STK32B: variants seen among roughly 807,000 people sequenced by gnomAD.
STK32B encodes serine/threonine kinase 32B.
STK32B carries 43 observed loss-of-function variants against 52.6 expected under a neutral mutation model. That is an observed-to-expected ratio of 0.82 (90% CI 0.64 to 1.05). The LOEUF is 1.05. STK32B is among the 50% of genes least tolerant of loss of function. The pLI is 0.00. For missense variants in STK32B, 621 were observed against 534.6 expected (o/e 1.16, Z -1.59); for synonymous variants, 238 against 204.3 (o/e 1.17, Z -1.41).
At chr4:5,240,648 T>C (rs1011826855) in intron 3 of STK32B, among the ~76,000 whole-genome samples, 4 of 152,050 alleles carry the variant, frequency 2.6e-5, no homozygotes, top group Non-Finnish European at 5.9e-5. Context: ...TTAGGAGAGA[T>C]GTGGTTTCAC....
chr4:5,137,331 G>GA (rs1327087093), intron 1 of STK32B, among the ~76,000 whole-genome samples: 3 of 152,226 alleles, frequency 2.0e-5, no homozygotes, highest in African/African-American at 7.2e-5. Context: ...GAGCAGAAGA[G>GA]AGGCCACTCC....
At chr4:5,215,643 G>A (rs1205808162) in intron 3 of STK32B, among the ~76,000 whole-genome samples, 3 of 152,094 alleles carry the variant, frequency 2.0e-5, no homozygotes, top group African/African-American at 4.8e-5. Flanking sequence ...GGGACGAGAT[G>A]GGGGAGTGTT....
rs1180626415 is a variant in STK32B at position 5,396,192 on chromosome 4, G to A, written c.435-2015G>A. Reference sequence around the variant, plus strand: ...CCAAAATCAAAGAGGAGTCATGGCTGTGCTTCCTCTGGAGGTTCAGGAGAG... The same window carrying A: ...CCAAAATCAAAGAGGAGTCATGGCTATGCTTCCTCTGGAGGTTCAGGAGAG... On this transcript the variant is annotated intron_variant, in intron 4 of 11. Transcript: ENST00000282908. The surrounding 1 kb of genome is among the most constrained non-coding windows in gnomAD (Gnocchi z 4.7). Among the ~76,000 whole-genome samples the A allele has an allele frequency of 6.6e-6, 1 of 152,192 alleles. No homozygotes were observed. Among genetic ancestry groups the A allele is most frequent in the African/African-American group, 2.4e-5 (1 of 41,436 alleles).
chr4:5,334,225 T>C (rs1224033344), intron 4 of STK32B, among the ~76,000 whole-genome samples: 2 of 152,064 alleles, frequency 1.3e-5, no homozygotes, highest in Admixed American at 1.3e-4. Flanking sequence ...AGGTATTTTA[T>C]TGTCTTTGAA....
At chr4:5,389,679 A>G (rs1191129759) in intron 4 of STK32B, among the ~76,000 whole-genome samples, 3 of 152,220 alleles carry the variant, frequency 2.0e-5, no homozygotes, top group African/African-American at 7.2e-5. Flanking sequence ...GAGGAACACG[A>G]TTCAATCCAT....
intron 4 of STK32B, among the ~76,000 whole-genome samples, chr4:5,387,666 C>G: frequency 6.6e-6 from 1 of 152,182 alleles, no homozygotes; most frequent in Non-Finnish European, 1.5e-5. Flanking sequence ...CATCTCTGCC[C>G]CACCCAGAGG....
intron 4 of STK32B, 149 bp downstream of exon 4, chr4:5,331,542 C>A: frequency 1.2e-6 from 1 of 825,128 alleles, no homozygotes; most frequent in Non-Finnish European, 1.8e-6. Context: ...ACTTTTCTTC[C>A]TATTTTTTTA....
At chr4:5,093,396 A>G (rs1301859487) in intron 1 of STK32B, among the ~76,000 whole-genome samples, 1 of 152,146 alleles carries the variant, frequency 6.6e-6, no homozygotes, top group African/African-American at 2.4e-5. Flanking sequence ...TTTCATAGCC[A>G]CCTCCTGTTG....
intron 3 of STK32B, among the ~76,000 whole-genome samples, chr4:5,281,186 C>T (rs1317536394): frequency 6.6e-6 from 1 of 152,120 alleles, no homozygotes; most frequent in Non-Finnish European, 1.5e-5. Flanking sequence ...AGGGGGAAAT[C>T]TGTCCCCATG....
the STK32B span, among the ~76,000 whole-genome samples, chr4:5,045,384 C>G: frequency 6.6e-6 from 1 of 152,220 alleles, no homozygotes. Flanking sequence ...CAGCCAACTT[C>G]CTCACTGCCT....
chr4:5,367,183 G>A (rs530632973), intron 4 of STK32B, among the ~76,000 whole-genome samples: 10 of 152,116 alleles, frequency 6.6e-5, no homozygotes, highest in Non-Finnish European at 8.8e-5. Flanking sequence ...CGGGCCTTTC[G>A]TAAGACATTG....
chr4:5,049,383 C>T (rs559669945), upstream of STK32B, among the ~76,000 whole-genome samples: 3 of 152,260 alleles, frequency 2.0e-5, no homozygotes, highest in Admixed American at 2.0e-4. Context: ...AAGAGACCAC[C>T]AAACAGGCTT....
At chr4:5,182,015 A>G (rs544031819) in intron 3 of STK32B, among the ~76,000 whole-genome samples, 1 of 152,378 alleles carries the variant, frequency 6.6e-6, no homozygotes, top group African/African-American at 2.4e-5. Flanking sequence ...AACTGAGTTT[A>G]TGTGATATTC....
chr4:5,060,679 A>T (rs1047524340), intron 1 of STK32B, among the ~76,000 whole-genome samples: 3 of 151,916 alleles, frequency 2.0e-5, no homozygotes, highest in Admixed American at 2.0e-4. Flanking sequence ...TCTCTTCATC[A>T]TTTCTTTTAT....
intron 3 of STK32B, among the ~76,000 whole-genome samples, chr4:5,261,586 G>A (rs1245651129): frequency 6.6e-6 from 1 of 152,170 alleles, no homozygotes; most frequent in Admixed American, 6.5e-5. Context: ...TTGAAGATCA[G>A]AGAGGTTTAA....
In STK32B at chr4:5,201,715, C is replaced by T. The variant is rs77914122; in HGVS notation, c.260+33265C>T. On this transcript the variant is annotated intron_variant, in intron 3 of 11. Coordinates refer to ENST00000282908, the MANE Select transcript of STK32B (RefSeq NM_018401.3). ...GGCAGAAGGTGAAGGGGGAGCAAGG[C>T]ACATCTTACATGGTGGCAGTAGGAG... Among the ~76,000 whole-genome samples the T allele has an allele frequency of 4.6e-5, 7 of 152,146 alleles. No individual in the cohort carries two copies. In the East Asian group the frequency reaches 1.3e-3, roughly 29 times the overall value.
intron 3 of STK32B, among the ~76,000 whole-genome samples, chr4:5,171,127 A>C (rs1330386742): frequency 6.6e-6 from 1 of 151,606 alleles, no homozygotes; most frequent in Admixed American, 6.6e-5. Flanking sequence ...GTCTGTTCAT[A>C]TCCTTTGCCC....
chr4:5,257,259 ATGAG>A (rs1389110003), intron 3 of STK32B, among the ~76,000 whole-genome samples: 1 of 143,166 alleles, frequency 7.0e-6, no homozygotes, highest in Non-Finnish European at 1.5e-5. Context: ...GAGTGAATGA[ATGAG>A]TGAATGATGA....
intron 1 of STK32B, among the ~76,000 whole-genome samples, chr4:5,099,502 G>A (rs1364986761): frequency 6.6e-6 from 1 of 151,214 alleles, no homozygotes; most frequent in Non-Finnish European, 1.5e-5. Context: ...AAGGCTGCCT[G>A]TGAAAAGTGG....
Sources: allele counts gnomAD v4.1 joint callset (sites outside exome capture counted in the v4.1 genomes callset), GRCh38; gene constraint gnomAD v4.1.1; non-coding constraint Gnocchi (gnomAD v3.1); transcripts MANE v1.5; gene names NCBI Gene and HGNC (gene_info 2026-07-23, HGNC 2026-07-21).